Variants in MYO5A observed in about 807,000 individuals in gnomAD.
The protein encoded by MYO5A is unconventional myosin-Va.
In MYO5A, 98 loss-of-function variants were observed where a neutral mutation model predicts 249.7. The ratio of observed to expected loss-of-function variants is 0.39; its 90% CI spans 0.33 to 0.46. The LOEUF is 0.46. MYO5A is among the 20% of genes least tolerant of loss of function. The pLI is 0.98. For synonymous variants in MYO5A, 778 were observed against 810.6 expected (o/e 0.96, Z 0.68); for missense variants, 1,696 against 2,308.8 (o/e 0.73, Z 5.44).
At chr15:52,333,220 T>C (rs935305863) in intron 34 of MYO5A, among the ~76,000 whole-genome samples, 5 of 152,196 alleles carry the variant, frequency 3.3e-5, no homozygotes, top group Admixed American at 6.5e-5. Context: ...AGGAGCCCAA[T>C]GATCCATTCT....
intron 9 of MYO5A, among the ~76,000 whole-genome samples, chr15:52,398,638 C>A (rs72736633): frequency 0.059 from 8,945 of 152,204 alleles, 319 homozygotes; most frequent in East Asian, 0.2. Flanking sequence ...ACTGCCTGCT[C>A]AACTCCCTTA....
Position 52,407,345 on chromosome 15 carries a change from C to T in MYO5A, c.893G>A (p.Gly298Glu), listed in dbSNP as rs1180002089. 3 of 1,613,804 alleles carry T rather than the reference C, an allele frequency of 1.9e-6. No individual in the cohort carries two copies. In the South Asian group the frequency reaches 3.3e-5, roughly 18 times the overall value. ...TKQGGSPVIE[G>E]VDDAKEMAHT... Reference sequence around the variant, plus strand: ...TGCCATCTCCTTTGCATCATCCACTCCTTCAATCACAGGACTGCCTCCTTG... The same window carrying T: ...TGCCATCTCCTTTGCATCATCCACTTCTTCAATCACAGGACTGCCTCCTTG... Residue 298 changes from glycine (G) to glutamate (E), a missense_variant, in exon 8 of 42, where the codon GGA (glycine) becomes GAA (glutamate). Around this residue, in one of 5 missense-constraint regions of MYO5A, gnomAD observed 185 missense variants for 204.8 expected, o/e 0.90. Transcript: ENST00000399233.
chr15:52,385,689 T>C (rs2041946637), intron 14 of MYO5A, among the ~76,000 whole-genome samples: 1 of 152,118 alleles, frequency 6.6e-6, no homozygotes, highest in African/African-American at 2.4e-5. Context: ...ATAATTCTAC[T>C]CAAAACACAT....
intron 15 of MYO5A, among the ~76,000 whole-genome samples, 196 bp downstream of exon 15, chr15:52,383,965 G>C (rs2041869015): frequency 6.6e-6 from 1 of 152,244 alleles, no homozygotes; most frequent in Admixed American, 6.5e-5. Context: ...ATTATTTCGG[G>C]AAAGGCTTAT....
At position 52,528,810 on chromosome 15, in the gene MYO5A, G is replaced by T; in HGVS notation, c.-4C>A. 2 of 1,487,362 alleles carry T rather than the reference G, an allele frequency of 1.3e-6. No homozygotes were observed. The highest frequency in any genetic ancestry group is 8.9e-7 in the Non-Finnish European group (1 of 1,125,070). 92.1% of individuals were successfully genotyped at this position (1,487,362 alleles called of 1,614,324 possible). A position where few individuals can be genotyped will look rare whatever the true frequency, so the allele number is the denominator to read the frequency against. ...TGTAGAGCTCCGACGCAGCCATGGCGGGCCCCGCGCGCCTACGCCCCCCGC... is the reference window on the plus strand; with the variant it reads ...TGTAGAGCTCCGACGCAGCCATGGCTGGCCCCGCGCGCCTACGCCCCCCGC... On this transcript the variant is annotated 5_prime_UTR_variant, in exon 1 of 42. Transcript: ENST00000399233.
At chr15:52,325,561 T>G (rs1381008349) in intron 36 of MYO5A, among the ~76,000 whole-genome samples, 1 of 151,830 alleles carries the variant, frequency 6.6e-6, no homozygotes, top group Non-Finnish European at 1.5e-5. Flanking sequence ...GCCACCATGC[T>G]TGGCTAATTT....
intron 9 of MYO5A, among the ~76,000 whole-genome samples, chr15:52,401,039 G>C (rs1440841737): frequency 6.7e-6 from 1 of 149,316 alleles, no homozygotes; most frequent in Non-Finnish European, 1.5e-5. Context: ...ATTTCCTTTA[G>C]TGAGGGCTCA....
At chr15:52,428,374 A>C in intron 3 of MYO5A, 24 bp downstream of exon 3, 1 of 1,603,958 alleles carries the variant, frequency 6.2e-7, no homozygotes, top group Non-Finnish European at 8.5e-7. Context: ...TCCACAGTCT[A>C]TTCGGAAAGC....
chr15:52,492,687 T>TA (rs1271945908), intron 1 of MYO5A, among the ~76,000 whole-genome samples: 2 of 152,234 alleles, frequency 1.3e-5, no homozygotes, highest in African/African-American at 2.4e-5. Context: ...TCAGGCCTGC[T>TA]ATGCTCTTTT....
chr15:52,453,641 G>A (rs1009261390), intron 1 of MYO5A, among the ~76,000 whole-genome samples: 8 of 152,162 alleles, frequency 5.3e-5, no homozygotes, highest in East Asian at 3.9e-4. Context: ...GCAGGAACCC[G>A]TTAAGAGATA....
chr15:52,513,606 T>G (rs1423146980), intron 1 of MYO5A, among the ~76,000 whole-genome samples: 2 of 151,462 alleles, frequency 1.3e-5, no homozygotes, highest in African/African-American at 4.8e-5. Context: ...TTTTTTTTAA[T>G]TTTTAGTAGA....
In MYO5A at chr15:52,309,150, G is replaced by A. The variant is rs2037704559; in HGVS notation, c.*4546C>T. 1 of 152,266 alleles carries A rather than the reference G, an allele frequency of 6.6e-6. No individual in the cohort carries two copies. The highest frequency in any genetic ancestry group is 6.5e-5 in the Admixed American group (1 of 15,286). 9.4% of individuals were successfully genotyped at this position (152,266 alleles called of 1,614,324 possible). ...TCCAATAAAGACTCTGATGGGTGTG[G>A]GGAGAGTAACTTTCCTCTTAATTTC... On this transcript the variant is annotated 3_prime_UTR_variant, in exon 42 of 42. Coordinates refer to ENST00000399233, the MANE Select transcript of MYO5A (RefSeq NM_001382347.1).
At chr15:52,461,191 G>A (rs772487952) in intron 1 of MYO5A, among the ~76,000 whole-genome samples, 3 of 152,080 alleles carry the variant, frequency 2.0e-5, no homozygotes, top group Non-Finnish European at 2.9e-5. Flanking sequence ...GGGCTCAAGC[G>A]ATCCTCCTAC....
intron 1 of MYO5A, among the ~76,000 whole-genome samples, chr15:52,475,008 G>A (rs535473929): frequency 9.2e-4 from 138 of 149,520 alleles, no homozygotes; most frequent in East Asian, 2.4e-3. Context: ...CTGTGAATCC[G>A]TCTGGTCCTG....
chr15:52,420,781 A>C (rs1319500090), intron 4 of MYO5A, among the ~76,000 whole-genome samples: 1 of 152,250 alleles, frequency 6.6e-6, no homozygotes, highest in Non-Finnish European at 1.5e-5. Context: ...TAAAAGATGT[A>C]GAAATAGAAT....
rs769367131 is a variant in MYO5A, at chr15:52,376,516, G to A, written c.2251C>T (p.Arg751Cys). 7.4e-6 allele frequency: 12 copies of A among 1,613,976 alleles called. No homozygotes were observed. Among genetic ancestry groups the A allele is most frequent in the South Asian group, 1.1e-5 (1 of 91,090 alleles). ...TCTAGATAGGCCACTTGACCGGCACGGAAAAAGATCTTTGTCTTACCAAAC... is the reference window on the plus strand; with the variant it reads ...TCTAGATAGGCCACTTGACCGGCACAGAAAAAGATCTTTGTCTTACCAAAC... ...YQFGKTKIFF[R>C]AGQVAYLEKL... The change falls in exon 19 of 42, where the codon CGT becomes TGT. Residue 751 changes from arginine to cysteine, a missense_variant. Physicochemically the swap from Arg to Cys is radical, Grantham distance 180. Coordinates refer to ENST00000399233, the MANE Select transcript of MYO5A (RefSeq NM_001382347.1).
At position 52,379,496 on chromosome 15, in the gene MYO5A, G is replaced by A. The variant is rs941545838; in HGVS notation, c.2208+129C>T. On this transcript the variant is annotated intron_variant, in intron 18 of 41. Transcript: ENST00000399233. ...GTTCCAGCATCCTAAACACAGTAGT[G>A]TGCCCCTCTCTGATCCCACCCCGAA... 9 of 783,398 alleles carry A rather than the reference G, an allele frequency of 1.1e-5. 1 individual carries two copies. The highest frequency in any genetic ancestry group is 2.3e-4 in the Middle Eastern group (1 of 4,288). The allele number at this position is 783,398 out of a possible 1,614,324, so 48.5% of individuals were successfully genotyped here. A position where few individuals can be genotyped will look rare whatever the true frequency, so the allele number is the denominator to read the frequency against.
chr15:52,337,908 ATTTGTTTTTGTC>A, intron 32 of MYO5A, 24 bp from the exon 33 acceptor site: 1 of 1,483,842 alleles, frequency 6.7e-7, no homozygotes, highest in Non-Finnish European at 9.1e-7. Context: ...CACAATGGAT[ATTTGTTTTTGTC>A]TGTGTGTTTG....
chr15:52,471,022 CAA>C (rs55650927), intron 1 of MYO5A, among the ~76,000 whole-genome samples: 102,867 of 132,802 alleles, frequency 0.77, 39,361 homozygotes, highest in South Asian at 0.83. Context: ...GACTCCATCT[CAA>C]AAAAAAAAAA....
Sources: allele counts gnomAD v4.1 joint callset (sites outside exome capture counted in the v4.1 genomes callset), GRCh38; gene constraint gnomAD v4.1.1; regional missense constraint gnomAD v4.1.1; transcripts MANE v1.5; gene names NCBI Gene and HGNC (gene_info 2026-07-23, HGNC 2026-07-21).